The following MROH9 variants were observed in gnomAD, a reference collection of about 807,000 sequenced individuals.
The protein encoded by MROH9 is maestro heat like repeat family member 9.
MROH9 carries 92 observed loss-of-function variants against 98.2 expected under a neutral mutation model. That is an observed-to-expected ratio of 0.94 (90% CI 0.79 to 1.11). The LOEUF is 1.11. MROH9 is among the 50% of genes most tolerant of loss of function. The probability of loss-of-function intolerance (pLI) is 0.00; values close to 1 mark genes in which losing one functional copy is unlikely to be tolerated. For synonymous variants in MROH9, 397 were observed against 368.9 expected, an observed-to-expected ratio of 1.08 and a Z score of -0.87; for missense variants, 1,057 against 1,014.8, an observed-to-expected ratio of 1.04 and a Z score of -0.57.
rs115206158 is a variant in MROH9, at chr1:171,057,939, G to T, written c.2282-4193G>T. 7.5e-3 allele frequency among the ~76,000 whole-genome samples: 1,133 copies of T among 152,026 alleles called. 11 individuals carry two copies. Among genetic ancestry groups the T allele is most frequent in the Non-Finnish European group, 0.012 (836 of 67,976 alleles). On this transcript the variant is annotated intron_variant, in intron 20 of 21. Coordinates refer to ENST00000367759, the MANE Select transcript of MROH9 (RefSeq NM_001163629.2). ...TGCTGAGGGATTTCATTACCACCAGGCCTGCCCGAAAGAAGCACTAAATAT... is the reference window on the plus strand; with the variant it reads ...TGCTGAGGGATTTCATTACCACCAGTCCTGCCCGAAAGAAGCACTAAATAT...
chr1:170,958,594 TTA>T (rs1431362489), intron 4 of MROH9, 54 bp downstream of exon 4: 3 of 1,204,636 alleles, frequency 2.5e-6, no homozygotes, highest in Middle Eastern at 2.0e-4. Flanking sequence ...ATTTAAAATG[TTA>T]TATCTTTAAA....
At chr1:170,997,089 AG>A (rs1009512480) in intron 14 of MROH9, among the ~76,000 whole-genome samples, 2 of 152,138 alleles carry the variant, frequency 1.3e-5, no homozygotes, top group Non-Finnish European at 2.9e-5. Flanking sequence ...TGTACTGGAA[AG>A]GGGGTTTTCT....
At chr1:170,972,508 T>A (rs1393259273) in intron 8 of MROH9, among the ~76,000 whole-genome samples, 2 of 152,130 alleles carry the variant, frequency 1.3e-5, no homozygotes, top group African/African-American at 4.8e-5. Flanking sequence ...GTAAGCAACC[T>A]TAAAAATATA....
chr1:171,050,539 C>G (rs902762137), intron 20 of MROH9, among the ~76,000 whole-genome samples: 1 of 152,120 alleles, frequency 6.6e-6, no homozygotes, highest in African/African-American at 2.4e-5. Context: ...TATCCTGAAA[C>G]TTTACTGAAG....
chr1:170,997,980 T>C (rs1160610165), intron 14 of MROH9, among the ~76,000 whole-genome samples, 174 bp from the exon 15 acceptor site: 1 of 152,178 alleles, frequency 6.6e-6, no homozygotes, highest in Non-Finnish European at 1.5e-5. Flanking sequence ...GATCCAGTTA[T>C]ATGTAATTCT....
intron 12 of MROH9, among the ~76,000 whole-genome samples, chr1:170,992,887 C>T (rs1651412242): frequency 6.6e-6 from 1 of 152,134 alleles, no homozygotes; most frequent in Admixed American, 6.5e-5. Flanking sequence ...CGTTTGTAGT[C>T]ATGGAAAGAC....
intron 8 of MROH9, among the ~76,000 whole-genome samples, chr1:170,973,945 A>AT: frequency 6.6e-6 from 1 of 152,232 alleles, no homozygotes; most frequent in Non-Finnish European, 1.5e-5. Context: ...GAATTAGAAG[A>AT]TAAAAACATC....
intron 15 of MROH9, among the ~76,000 whole-genome samples, chr1:171,006,338 G>A (rs996198127): frequency 2.6e-5 from 4 of 152,032 alleles, no homozygotes; most frequent in Non-Finnish European, 5.9e-5. Context: ...TGTCTTTTCT[G>A]CTTTCAAGCT....
At chr1:170,992,048 G>A in intron 11 of MROH9, 116 bp from the exon 12 acceptor site, 1 of 1,063,886 alleles carries the variant, frequency 9.4e-7, no homozygotes, top group Non-Finnish European at 1.3e-6. Context: ...CATGTCTGCA[G>A]TGTCTTTGCT....
At position 171,025,304 on chromosome 1, in the gene MROH9, C is replaced by T. The variant is rs1264467777; in HGVS notation, c.2179-14C>T. 1.3e-6 allele frequency: 2 copies of T among 1,498,368 alleles called. No homozygotes were observed. Among genetic ancestry groups the T allele is most frequent in the Non-Finnish European group, 1.8e-6 (2 of 1,100,380 alleles). The allele number at this position is 1,498,368 out of a possible 1,614,324, so 92.8% of individuals were successfully genotyped here. On this transcript the variant is annotated splice_polypyrimidine_tract_variant and intron_variant, in intron 19 of 21. Transcript: ENST00000367759. ...GCAATCGAGTGAGGTGCTTTTTTCC[C>T]TTTTTATTCTCAGATTATTTCTCAT...
intron 15 of MROH9, among the ~76,000 whole-genome samples, chr1:171,011,161 G>A (rs978141721): frequency 2.0e-5 from 3 of 152,268 alleles, no homozygotes; most frequent in African/African-American, 4.8e-5. Flanking sequence ...GACAGACAGC[G>A]AGACAGATGC....
At chr1:170,954,570 C>T (rs1234309041) in intron 3 of MROH9, among the ~76,000 whole-genome samples, 1 of 151,934 alleles carries the variant, frequency 6.6e-6, no homozygotes, top group East Asian at 1.9e-4. Flanking sequence ...TTAGAAATCT[C>T]CATACTGTTT....
chr1:170,969,125 T>A (rs1404441076), intron 7 of MROH9, among the ~76,000 whole-genome samples: 1 of 152,190 alleles, frequency 6.6e-6, no homozygotes, highest in Non-Finnish European at 1.5e-5. Context: ...AACAAAAACT[T>A]GTACAAAGTG....
intron 8 of MROH9, among the ~76,000 whole-genome samples, chr1:170,981,871 T>C (rs1650944645): frequency 6.6e-6 from 1 of 151,996 alleles, no homozygotes; most frequent in South Asian, 2.1e-4. Context: ...ATTAAAGAAA[T>C]GTAAATTAAA....
intron 16 of MROH9, among the ~76,000 whole-genome samples, chr1:171,014,722 T>C (rs1652271200): frequency 6.6e-6 from 1 of 152,208 alleles, no homozygotes; most frequent in Admixed American, 6.5e-5. Context: ...AAAATTCTTA[T>C]CTCTCGCAGC....
chr1:171,019,405 G>A (rs1652434430), intron 17 of MROH9, among the ~76,000 whole-genome samples: 1 of 152,114 alleles, frequency 6.6e-6, no homozygotes, highest in Admixed American at 6.6e-5. Flanking sequence ...TGTAATCCCA[G>A]CACTTTGGAA....
intron 1 of MROH9, among the ~76,000 whole-genome samples, chr1:170,938,490 T>C (rs974263632): frequency 2.6e-5 from 4 of 152,146 alleles, no homozygotes; most frequent in Non-Finnish European, 5.9e-5. Context: ...CGTAACTGAG[T>C]CTTCAAAAGG....
intron 19 of MROH9, 37 bp from the exon 20 acceptor site, chr1:171,025,281 A>G (rs192490633): frequency 7.7e-7 from 1 of 1,290,976 alleles, no homozygotes; most frequent in Non-Finnish European, 1.1e-6. Context: ...CTATTTCAGC[A>G]ATCGAGTGAG....
At chr1:170,959,381 A>G (rs934952777) in intron 4 of MROH9, 81 bp from the exon 5 acceptor site, 5 of 1,290,432 alleles carry the variant, frequency 3.9e-6, no homozygotes, top group Non-Finnish European at 4.2e-6. Context: ...TCTCAAAATA[A>G]ATAAATAAAT....
Sources: allele counts gnomAD v4.1 joint callset (sites outside exome capture counted in the v4.1 genomes callset), GRCh38; gene constraint gnomAD v4.1.1; transcripts MANE v1.5; gene names NCBI Gene and HGNC (gene_info 2026-07-23, HGNC 2026-07-21).